COLEC12: variants seen among roughly 807,000 people sequenced by gnomAD.
COLEC12 encodes the protein collectin-12.
In COLEC12, 33 loss-of-function variants were observed where a neutral mutation model predicts 71.1. The ratio of observed to expected loss-of-function variants is 0.46; its 90% CI spans 0.35 to 0.62. COLEC12 has a LOEUF of 0.62. COLEC12 is among the 20% of genes least tolerant of loss of function. The pLI is 0.00. For synonymous variants in COLEC12, 350 were observed against 353.0 expected (o/e 0.99, Z 0.10); for missense variants, 765 against 916.1 (o/e 0.84, Z 2.13).
chr18:470,596 T>A (rs561722776), intron 2 of COLEC12, among the ~76,000 whole-genome samples: 1 of 151,388 alleles, frequency 6.6e-6, no homozygotes, highest in Non-Finnish European at 1.5e-5. Context: ...AAAAAAAAAT[T>A]TTTTTTTAAT....
chr18:449,183 A>T (rs972090395), intron 2 of COLEC12, among the ~76,000 whole-genome samples: 2 of 152,170 alleles, frequency 1.3e-5, no homozygotes, highest in South Asian at 4.1e-4. Context: ...ATATTTTGGG[A>T]TAGAATATTA....
chr18:464,970 C>T (rs560842475), intron 2 of COLEC12, among the ~76,000 whole-genome samples: 85 of 152,380 alleles, frequency 5.6e-4, no homozygotes, highest in South Asian at 5.0e-3. Context: ...GCTCCCATCA[C>T]ACTGGGGACC....
At chr18:347,966 TC>T (rs897264748) in intron 4 of COLEC12, 98 bp downstream of exon 4, 1 of 708,188 alleles carries the variant, frequency 1.4e-6, no homozygotes, top group African/African-American at 1.8e-5. Flanking sequence ...TGAATGTCCT[TC>T]CGGGTGAATG....
intron 2 of COLEC12, among the ~76,000 whole-genome samples, chr18:471,453 A>G (rs1046956595): frequency 2.0e-5 from 3 of 151,720 alleles, no homozygotes; most frequent in South Asian, 2.1e-4. Context: ...CTTCTCTATT[A>G]TGCTGATGTC....
intron 2 of COLEC12, among the ~76,000 whole-genome samples, chr18:453,041 T>C (rs1181415482): frequency 5.3e-5 from 8 of 152,220 alleles, no homozygotes; most frequent in African/African-American, 1.9e-4. Context: ...CACTGCCAAG[T>C]CCATCTTCTG....
intron 2 of COLEC12, among the ~76,000 whole-genome samples, chr18:440,599 T>C (rs1916500200): frequency 1.3e-5 from 2 of 152,196 alleles, no homozygotes; most frequent in African/African-American, 2.4e-5. Context: ...TCAGTATCTG[T>C]GCAGGACGGA....
intron 2 of COLEC12, among the ~76,000 whole-genome samples, chr18:372,376 A>G (rs1188189918): frequency 6.6e-6 from 1 of 152,112 alleles, no homozygotes; most frequent in Non-Finnish European, 1.5e-5. Context: ...GGGCAAAATA[A>G]TTTCCCATAT....
At chr18:483,354 G>A (rs915081315) in intron 1 of COLEC12, among the ~76,000 whole-genome samples, 7 of 147,012 alleles carry the variant, frequency 4.8e-5, no homozygotes, top group African/African-American at 1.3e-4. Context: ...CCAAGATCAC[G>A]CCAACTACAC....
chr18:338,933 T>C (rs982349202), intron 5 of COLEC12, among the ~76,000 whole-genome samples: 15 of 152,262 alleles, frequency 9.9e-5, no homozygotes, highest in Non-Finnish European at 2.1e-4. Flanking sequence ...GAAGATGGCA[T>C]ATTGGGAAAT....
chr18:487,862 GCA>G (rs370579350), intron 1 of COLEC12, among the ~76,000 whole-genome samples: 12 of 152,174 alleles, frequency 7.9e-5, no homozygotes, highest in African/African-American at 2.9e-4. Flanking sequence ...AAATCCACCA[GCA>G]CAAAAGTTTC....
At chr18:344,414 C>T (rs1268264053) in intron 5 of COLEC12, among the ~76,000 whole-genome samples, 2 of 152,218 alleles carry the variant, frequency 1.3e-5, no homozygotes. Context: ...AACAGGCTCT[C>T]CTAGGGGTGA....
At chr18:373,152 G>A (rs1363083720) in intron 2 of COLEC12, among the ~76,000 whole-genome samples, 1 of 152,188 alleles carries the variant, frequency 6.6e-6, no homozygotes, top group Non-Finnish European at 1.5e-5. Flanking sequence ...TGGGAAATTT[G>A]TATGCAATTG....
chr18:330,489 G>GT (rs5822557), intron 8 of COLEC12, among the ~76,000 whole-genome samples: 12,327 of 147,346 alleles, frequency 0.084, 549 homozygotes, highest in Middle Eastern at 0.23. Flanking sequence ...TACTCAGAGG[G>GT]TTTTTTTTTT....
chr18:451,095 T>C (rs1286890546), intron 2 of COLEC12, among the ~76,000 whole-genome samples: 4 of 152,068 alleles, frequency 2.6e-5, no homozygotes, highest in Non-Finnish European at 5.9e-5. Context: ...CGTGAGCATA[T>C]GAATGAACAT....
chr18:432,675 C>CT (rs1341955469), intron 2 of COLEC12, among the ~76,000 whole-genome samples: 1 of 152,188 alleles, frequency 6.6e-6, no homozygotes, highest in African/African-American at 2.4e-5. Flanking sequence ...CCTCAATAAT[C>CT]TACCAGCTCC....
chr18:395,708 G>A (rs892190285), intron 2 of COLEC12, among the ~76,000 whole-genome samples: 7 of 152,064 alleles, frequency 4.6e-5, no homozygotes, highest in African/African-American at 1.4e-4. Context: ...TTCCTCTTAC[G>A]GAAAGAAAGA....
intron 3 of COLEC12, among the ~76,000 whole-genome samples, chr18:354,697 A>T (rs1218846991): frequency 6.6e-6 from 1 of 152,210 alleles, no homozygotes; most frequent in African/African-American, 2.4e-5. Context: ...TCTGGAAAAT[A>T]TCAACATTTT....
rs1413896716 is a variant in COLEC12 at position 362,747 on chromosome 18, A to G, written c.59-5225T>C. On this transcript the variant is annotated intron_variant, in intron 2 of 9. Coordinates refer to ENST00000400256, the MANE Select transcript of COLEC12 (RefSeq NM_130386.3). The surrounding 1 kb of genome is among the most constrained non-coding windows in gnomAD (Gnocchi z 4.6). Reference sequence around the variant, plus strand: ...GCACATTTGAAATTCAGAGGCCTACAGGCAGCAAGGACCTGAAGGGTGCAT... The same window carrying G: ...GCACATTTGAAATTCAGAGGCCTACGGGCAGCAAGGACCTGAAGGGTGCAT... Among the ~76,000 whole-genome samples the G allele has an allele frequency of 6.6e-6, 1 of 152,152 alleles. No individual in the cohort carries two copies. The highest frequency in any genetic ancestry group is 1.5e-5 in the Non-Finnish European group (1 of 68,018).
chr18:460,757 A>G (rs1345276104), intron 2 of COLEC12, among the ~76,000 whole-genome samples: 1 of 144,308 alleles, frequency 6.9e-6, no homozygotes, highest in Non-Finnish European at 1.5e-5. Flanking sequence ...TGCTATGTGC[A>G]TCCTCTCTTC....
Sources: gnomAD v4.1 joint callset for allele counts (sites outside exome capture counted in the v4.1 genomes callset) on GRCh38, gnomAD v4.1.1 for gene constraint, Gnocchi (gnomAD v3.1) non-coding constraint, MANE v1.5 for transcripts, NCBI Gene and HGNC (gene_info 2026-07-23, HGNC 2026-07-21) for gene names.